Variants in MAOA observed in about 807,000 individuals in gnomAD.
MAOA encodes the protein amine oxidase [flavin-containing] A.
A neutral mutation model predicts 42.0 loss-of-function variants in MAOA; 6 were observed. That is an observed-to-expected ratio of 0.14 (90% confidence interval 0.08 to 0.28). The LOEUF (loss-of-function observed/expected upper bound fraction) is 0.28. Among genes scored for constraint, MAOA ranks in the 10% least tolerant of loss-of-function variants. MAOA has a pLI of 1.00. For synonymous variants in MAOA, 140 were observed against 154.0 expected, an observed-to-expected ratio of 0.91 and a Z score of 0.67; for missense variants, 262 against 422.3, an observed-to-expected ratio of 0.62 and a Z score of 3.33.
chrX:43,684,135 G>A (rs768245075), intron 2 of MAOA, among the ~76,000 whole-genome samples: 2 of 111,827 alleles, frequency 1.8e-5, no homozygotes, highest in Non-Finnish European at 3.8e-5. Flanking sequence ...CTTGGCCCTT[G>A]TTCCCTAAGA....
chrX:43,692,545 A>G lies in MAOA; in HGVS notation c.169-746A>G, dbSNP rs563241034. On this transcript the variant is annotated intron_variant, in intron 2 of 14. Coordinates refer to ENST00000338702, the MANE Select transcript of MAOA (RefSeq NM_000240.4). ...TCAACAAAAAATAATCAGGCAAACA[A>G]GGAAAAAATGCATGACAACATGCTT... Among the ~76,000 whole-genome samples the G allele has an allele frequency of 1.2e-4, 13 of 110,250 alleles. No homozygotes were observed. In the South Asian group the frequency reaches 4.3e-3, roughly 37 times the overall value.
At position 43,701,250 on chromosome X, in the gene MAOA, G is replaced by A. The variant is rs187555724; in HGVS notation, c.306+7822G>A. On this transcript the variant is annotated intron_variant, in intron 3 of 14. Coordinates refer to ENST00000338702, the MANE Select transcript of MAOA (RefSeq NM_000240.4). ...AGAATTCCTCTTAAAGCTTTGCACTGTTTAGAGAGCTAGGTCAGCATTAGC... is the reference window on the plus strand; with the variant it reads ...AGAATTCCTCTTAAAGCTTTGCACTATTTAGAGAGCTAGGTCAGCATTAGC... Among the ~76,000 whole-genome samples the A allele has an allele frequency of 5.4e-5, 6 of 111,427 alleles. No homozygotes were observed. In the East Asian group the frequency reaches 1.4e-3, roughly 26 times the overall value.
At position 43,690,989 on chromosome X, in the gene MAOA, G is replaced by A. The variant is rs183477081; in HGVS notation, c.169-2302G>A. Among the ~76,000 whole-genome samples the A allele has an allele frequency of 5.6e-3, 630 of 111,523 alleles. 1 individual carries two copies. Among genetic ancestry groups the A allele is most frequent in the African/African-American group, 0.02 (602 of 30,728 alleles). On this transcript the variant is annotated intron_variant, in intron 2 of 14. Coordinates refer to ENST00000338702, the MANE Select transcript of MAOA (RefSeq NM_000240.4). The stretch of plus-strand genomic sequence containing the variant: ...ATGTAGAAAATAGACACCCAACAAA[G>A]AGGATCAATAAAATAAAAGTTGATT...
intron 12 of MAOA, among the ~76,000 whole-genome samples, chrX:43,743,236 C>A (rs1446441396): frequency 1.8e-5 from 2 of 111,163 alleles, no homozygotes; most frequent in Non-Finnish European, 3.8e-5. Flanking sequence ...CAGCCAGTCC[C>A]CAGAGAAGTT....
chrX:43,662,284 A>G (rs891665967), intron 1 of MAOA, among the ~76,000 whole-genome samples: 1 of 111,801 alleles, frequency 8.9e-6, no homozygotes, highest in Non-Finnish European at 1.9e-5. Context: ...TTTCTAAAAA[A>G]TAAACTAGGG....
At chrX:43,663,513 G>A (rs1046736288) in intron 1 of MAOA, among the ~76,000 whole-genome samples, 1 of 111,234 alleles carries the variant, frequency 9.0e-6, no homozygotes, top group Admixed American at 9.6e-5. Context: ...AGGGGTCCAG[G>A]GAATTACCAA....
At chrX:43,661,050 C>A (rs767416882) in intron 1 of MAOA, among the ~76,000 whole-genome samples, 3 of 112,171 alleles carry the variant, frequency 2.7e-5, no homozygotes, top group African/African-American at 9.7e-5. Flanking sequence ...ATCTTCTTAA[C>A]AGCACCTCGC....
chrX:43,684,367 A>C (rs758865651), intron 2 of MAOA, among the ~76,000 whole-genome samples: 1 of 111,094 alleles, frequency 9.0e-6, no homozygotes, highest in Non-Finnish European at 1.9e-5. Flanking sequence ...GTGGGAAGGA[A>C]ATAGGGGCAA....
intron 5 of MAOA, among the ~76,000 whole-genome samples, chrX:43,722,140 G>T (rs780921120): frequency 1.9e-4 from 21 of 111,984 alleles, no homozygotes; most frequent in African/African-American, 5.5e-4. Flanking sequence ...TAACAGTGCT[G>T]CAATAAACAT....
rs772870865 is a variant in MAOA, at chrX:43,664,502, C to T, written c.73+8088C>T. Among the ~76,000 whole-genome samples, 3 of 111,153 alleles carry T rather than the reference C, an allele frequency of 2.7e-5. No homozygotes were observed. The South Asian group carries it at 1.1e-3, about 42-fold the overall frequency. On this transcript the variant is annotated intron_variant, in intron 1 of 14. Transcript: ENST00000338702. Reference sequence around the variant, plus strand: ...GCACAGAGGAGGGAGGAGTTAATTCCACCTGGAGGAAGTGACAAGGAAAGG... The same window carrying T: ...GCACAGAGGAGGGAGGAGTTAATTCTACCTGGAGGAAGTGACAAGGAAAGG...
intron 10 of MAOA, among the ~76,000 whole-genome samples, chrX:43,738,690 T>A (rs776541377): frequency 2.5e-4 from 28 of 110,598 alleles, no homozygotes; most frequent in African/African-American, 9.2e-4. Context: ...CCTGGTGACA[T>A]GTATCTGTAG....
intron 12 of MAOA, among the ~76,000 whole-genome samples, chrX:43,742,630 C>G (rs939828681): frequency 1.8e-5 from 2 of 112,240 alleles, no homozygotes; most frequent in African/African-American, 6.5e-5. Flanking sequence ...TGCTCAGTTA[C>G]AAGAGACACC....
chrX:43,718,889 C>T (rs913922488), intron 5 of MAOA, among the ~76,000 whole-genome samples: 1 of 110,704 alleles, frequency 9.0e-6, no homozygotes, highest in African/African-American at 3.3e-5. Context: ...GAGATAACTT[C>T]CATCCACGAC....
chrX:43,729,546 T>G (rs2033863913), intron 6 of MAOA, among the ~76,000 whole-genome samples: 1 of 112,441 alleles, frequency 8.9e-6, no homozygotes, highest in Non-Finnish European at 1.9e-5. Context: ...AAGTACCTCT[T>G]AGAAAACAGA....
intron 3 of MAOA, among the ~76,000 whole-genome samples, chrX:43,706,225 G>A (rs1439883372): frequency 8.9e-6 from 1 of 112,291 alleles, no homozygotes; most frequent in African/African-American, 3.2e-5. Flanking sequence ...TAGGATATGT[G>A]AATGATATGT....
At chrX:43,668,026 G>A (rs57405544) in intron 1 of MAOA, among the ~76,000 whole-genome samples, 3,098 of 111,811 alleles carry the variant, frequency 0.028, 160 homozygotes, top group East Asian at 0.22. Context: ...AGCTTGCTAG[G>A]ATTGTAATTG....
intron 1 of MAOA, among the ~76,000 whole-genome samples, chrX:43,667,086 A>G (rs914212883): frequency 3.6e-5 from 4 of 109,940 alleles, no homozygotes; most frequent in Admixed American, 9.7e-5. Flanking sequence ...GCATGTATAC[A>G]TATGTAACAA....
intron 3 of MAOA, among the ~76,000 whole-genome samples, chrX:43,695,401 A>G (rs962987186): frequency 2.1e-4 from 24 of 111,720 alleles, no homozygotes; most frequent in Admixed American, 2.0e-3. Flanking sequence ...TCCTCAAGCT[A>G]GGTACCTGCT....
chrX:43,723,831 CT>C (rs1014175569), intron 5 of MAOA, among the ~76,000 whole-genome samples: 1 of 111,503 alleles, frequency 9.0e-6, no homozygotes, highest in Non-Finnish European at 1.9e-5. Context: ...ATAAATAGCT[CT>C]TATTATTTTG....
Sources: allele counts gnomAD v4.1 joint callset (sites outside exome capture counted in the v4.1 genomes callset), GRCh38; gene constraint gnomAD v4.1.1; transcripts MANE v1.5; gene names NCBI Gene and HGNC (gene_info 2026-07-23, HGNC 2026-07-21).